The following MASP1 variants were observed in gnomAD, a reference collection of about 807,000 sequenced individuals.
MASP1 encodes the protein MBL associated serine protease 1.
A neutral mutation model predicts 77.1 loss-of-function variants in MASP1; 59 were observed. The ratio of observed to expected loss-of-function variants is 0.77; its 90% CI spans 0.62 to 0.95. The LOEUF (loss-of-function observed/expected upper bound fraction) is 0.95. Ranked by LOEUF, MASP1 falls within the 40% of genes least tolerant of loss-of-function variation. The pLI is 0.00. For missense variants in MASP1, 885 were observed against 912.9 expected, an observed-to-expected ratio of 0.97 and a Z score of 0.39; for synonymous variants, 362 against 354.5, an observed-to-expected ratio of 1.02 and a Z score of -0.24.
chr3:187,231,660 T>G (rs372710120), downstream of MASP1, among the ~76,000 whole-genome samples: 20 of 152,274 alleles, frequency 1.3e-4, no homozygotes, highest in African/African-American at 4.6e-4. Context: ...GAATTCGCTG[T>G]GCACTGTGGC....
chr3:187,232,974 ATGC>A (rs1712862244), downstream of MASP1, among the ~76,000 whole-genome samples: 1 of 152,218 alleles, frequency 6.6e-6, no homozygotes, highest in Non-Finnish European at 1.5e-5. Context: ...CGTGCCACTC[ATGC>A]TTGAACTTAT....
chr3:187,225,121 T>C (rs1048702881), intron 13 of MASP1, among the ~76,000 whole-genome samples: 1 of 152,230 alleles, frequency 6.6e-6, no homozygotes, highest in Admixed American at 6.5e-5. Context: ...TCTGGACCCT[T>C]AGGTCTGACT....
At position 187,253,275 on chromosome 3, in the gene MASP1, T is replaced by C. The variant is rs1714783623; in HGVS notation, c.785A>G (p.Glu262Gly). ...GPKVLGPFCG[E>G]KAPEPISTQS... The stretch of plus-strand genomic sequence containing the variant: ...GGTGCTGATGGGTTCTGGGGCTTTC[T>C]CTCCACAGAAAGGCCCCAAAACTTT... Residue 262 changes from glutamate to glycine, a missense_variant, in exon 6 of 11, where the codon GAG (glutamate) becomes GGG (glycine). Transcript: ENST00000296280. 1.2e-5 allele frequency: 20 copies of C among 1,614,030 alleles called. No individual in the cohort carries two copies. The highest frequency in any genetic ancestry group is 1.6e-5 in the Non-Finnish European group (19 of 1,180,028).
At chr3:187,226,386 G>T in intron 12 of MASP1, 3 of 1,560,666 alleles carry the variant, frequency 1.9e-6, no homozygotes, top group African/African-American at 2.7e-5. Context: ...TTGGGAGTCA[G>T]CTTGCCCCTC....
In MASP1 at chr3:187,291,646, G is replaced by A. The variant is rs762091377; in HGVS notation, c.-14C>T. The A allele has an allele frequency of 1.5e-5, 25 of 1,614,074 alleles. No individual in the cohort carries two copies. Among genetic ancestry groups the A allele is most frequent in the Non-Finnish European group, 1.8e-5 (21 of 1,180,028 alleles). On this transcript the variant is annotated 5_prime_UTR_variant, in exon 1 of 11. Transcript: ENST00000296280. ...CACGTACCTCATTTTCCTGCCTTGG[G>A]TGCTCCCGGCTGCCCGGCCTTGGTC...
chr3:187,247,303 G>A (rs372655330), intron 8 of MASP1: 6 of 1,613,910 alleles, frequency 3.7e-6, no homozygotes, highest in Non-Finnish European at 4.2e-6. Flanking sequence ...ATCCATTTCT[G>A]GATGTCTGCA....
chr3:187,223,623 C>A (rs931915423), intron 13 of MASP1, among the ~76,000 whole-genome samples: 1 of 152,190 alleles, frequency 6.6e-6, no homozygotes, highest in African/African-American at 2.4e-5. Flanking sequence ...CTCCTCTCTG[C>A]TCCCCTTCTA....
chr3:187,221,705 A>T (rs541724572), intron 14 of MASP1, among the ~76,000 whole-genome samples: 1 of 152,182 alleles, frequency 6.6e-6, no homozygotes, highest in Non-Finnish European at 1.5e-5. Flanking sequence ...TGCAGCAAGC[A>T]CTTTGTTATG....
At chr3:187,262,854 T>G in intron 2 of MASP1, 134 bp from the exon 3 acceptor site, 1 of 731,484 alleles carries the variant, frequency 1.4e-6, no homozygotes, top group South Asian at 1.6e-5. Context: ...GAAAGGAGGT[T>G]AAGGATTCTT....
rs370346940 is a variant in MASP1, at chr3:187,257,507, C to A, written c.548-647G>T. Among the ~76,000 whole-genome samples, 149 of 152,266 alleles carry A rather than the reference C, an allele frequency of 9.8e-4. 1 individual carries two copies. The highest frequency in any genetic ancestry group is 3.2e-3 in the African/African-American group (134 of 41,540). On this transcript the variant is annotated intron_variant, in intron 4 of 10. Coordinates refer to ENST00000296280, the MANE Select transcript of MASP1 (RefSeq NM_139125.4). ...CCCAGTGATCCTCCCACCTCAGCCT[C>A]CTGAATAGCTGGGACGACAGGCACG... is the stretch of plus-strand genomic sequence containing the variant.
chr3:187,273,083 C>G (rs1284012292), intron 2 of MASP1, among the ~76,000 whole-genome samples: 1 of 152,214 alleles, frequency 6.6e-6, no homozygotes, highest in Non-Finnish European at 1.5e-5. Flanking sequence ...ATGACACGTT[C>G]TGGCTCCCAG....
chr3:187,251,514 G>A (rs897273977), intron 7 of MASP1, 120 bp downstream of exon 7: 3 of 823,136 alleles, frequency 3.6e-6, no homozygotes, highest in Non-Finnish European at 6.3e-6. Flanking sequence ...TTGATGGGCA[G>A]CTAGGAAATT....
At chr3:187,269,064 CAA>C (rs35550567) in intron 2 of MASP1, among the ~76,000 whole-genome samples, 249 of 115,388 alleles carry the variant, frequency 2.2e-3, no homozygotes, top group Admixed American at 2.8e-3. Context: ...GACACTGTCT[CAA>C]AAAAAAAAAA....
intron 8 of MASP1, among the ~76,000 whole-genome samples, chr3:187,248,480 A>T (rs1714288249): frequency 6.6e-6 from 1 of 152,188 alleles, no homozygotes; most frequent in African/African-American, 2.4e-5. Flanking sequence ...CAGCTTGTAG[A>T]GTCTGCATTT....
chr3:187,250,235 C>T lies in MASP1; in HGVS notation c.1090+16G>A, dbSNP rs1426976100. Reference sequence around the variant, plus strand: ...GGAGCTCAGTATCTTTATAACAACCCATTAGGCTTTCTTACTTTTACAGGT... The same window carrying T: ...GGAGCTCAGTATCTTTATAACAACCTATTAGGCTTTCTTACTTTTACAGGT... On this transcript the variant is annotated intron_variant, in intron 8 of 10. Coordinates refer to ENST00000296280, the MANE Select transcript of MASP1 (RefSeq NM_139125.4). The T allele has an allele frequency of 3.1e-6, 5 of 1,607,088 alleles. No homozygotes were observed. Among genetic ancestry groups the T allele is most frequent in the Non-Finnish European group, 4.3e-6 (5 of 1,173,734 alleles).
chr3:187,234,401 G>T lies in MASP1; in HGVS notation c.*1283C>A. The T allele has an allele frequency of 7.8e-7, 1 of 1,287,228 alleles. No individual in the cohort carries two copies. The highest frequency in any genetic ancestry group is 1.2e-5 in the South Asian group (1 of 80,936). 79.7% of individuals were successfully genotyped at this position (1,287,228 alleles called of 1,614,324 possible). On this transcript the variant is annotated 3_prime_UTR_variant, in exon 11 of 11. Coordinates refer to ENST00000296280, the MANE Select transcript of MASP1 (RefSeq NM_139125.4). Reference sequence around the variant, plus strand: ...GCTAGCAGTCAGGGAAGCTCTGAGTGCTCCAGCTAGAAGGAACCTGCAGGG... The same window carrying T: ...GCTAGCAGTCAGGGAAGCTCTGAGTTCTCCAGCTAGAAGGAACCTGCAGGG...
intron 5 of MASP1, among the ~76,000 whole-genome samples, chr3:187,255,685 G>A (rs1179036403): frequency 6.6e-6 from 1 of 152,212 alleles, no homozygotes; most frequent in Non-Finnish European, 1.5e-5. Flanking sequence ...AAGTTCTAGA[G>A]TTTTCTTCTG....
rs1048659590 is a variant in MASP1 at position 187,246,070 on chromosome 3, C to T, written c.1091-2449G>A. ...CCTTCAGTGTGCTCCCCTGCTGCCT[C>T]CTGCTCCCAGGCCTCTCTGGTGCCA... On this transcript the variant is annotated intron_variant, in intron 8 of 10. Coordinates refer to ENST00000296280, the MANE Select transcript of MASP1 (RefSeq NM_139125.4). Among the ~76,000 whole-genome samples the T allele has an allele frequency of 5.9e-5, 9 of 152,318 alleles. No individual in the cohort carries two copies. The South Asian group carries it at 1.0e-3, about 18-fold the overall frequency.
In MASP1 at chr3:187,245,935, T is replaced by C. The variant is rs546950270; in HGVS notation, c.1091-2314A>G. Among the ~76,000 whole-genome samples, 4 of 152,348 alleles carry C rather than the reference T, an allele frequency of 2.6e-5. No homozygotes were observed. The South Asian group carries it at 8.3e-4, about 32-fold the overall frequency. On this transcript the variant is annotated intron_variant, in intron 8 of 10. Transcript: ENST00000296280. ...TACTGGGGGGCTTTCTAGAGAACGATGTGCAATCAGCTAACCCTGGCACTC... is the reference window on the plus strand; with the variant it reads ...TACTGGGGGGCTTTCTAGAGAACGACGTGCAATCAGCTAACCCTGGCACTC...
Sources: gnomAD v4.1 joint callset for allele counts (sites outside exome capture counted in the v4.1 genomes callset) on GRCh38, gnomAD v4.1.1 for gene constraint, MANE v1.5 for transcripts, NCBI Gene and HGNC (gene_info 2026-07-23, HGNC 2026-07-21) for gene names.